DRC8: variants seen among roughly 807,000 people sequenced by gnomAD.
DRC8 encodes dynein regulatory complex protein 8.
chr1:245,056,935 CAAA>C, the DRC8 span, among the ~76,000 whole-genome samples: 1 of 111,438 alleles, frequency 9.0e-6, no homozygotes, highest in African/African-American at 3.3e-5. Context: ...GACTCCATCT[CAAA>C]AAAAAAAAGA....
the DRC8 span, among the ~76,000 whole-genome samples, chr1:244,995,694 C>T: frequency 6.6e-6 from 1 of 152,138 alleles, no homozygotes; most frequent in Non-Finnish European, 1.5e-5. Flanking sequence ...CCAGGAAGCA[C>T]CTTCAGTGCT....
chr1:245,030,520 TA>T, the DRC8 span: 1 of 152,258 alleles, frequency 6.6e-6, no homozygotes, highest in Non-Finnish European at 1.5e-5. Context: ...CCTCTCAGTG[TA>T]CTGGAAGGAC....
chr1:245,087,646 C>A, the DRC8 span: 9 of 1,042,050 alleles, frequency 8.6e-6, no homozygotes, highest in South Asian at 1.5e-4. Flanking sequence ...AGGTCACCTT[C>A]GAATTAATTA....
At chr1:244,977,312 T>C in the DRC8 span, among the ~76,000 whole-genome samples, 5 of 152,334 alleles carry the variant, frequency 3.3e-5, no homozygotes, top group East Asian at 9.6e-4. Context: ...TTTTAGTAAA[T>C]AGAAAATGTT....
chr1:245,100,282 T>G, the DRC8 span, among the ~76,000 whole-genome samples: 1 of 151,730 alleles, frequency 6.6e-6, no homozygotes, highest in African/African-American at 2.4e-5. Context: ...CTACTCGGGA[T>G]GCTGAGACAG....
At chr1:245,004,203 T>C in the DRC8 span, among the ~76,000 whole-genome samples, 1 of 151,736 alleles carries the variant, frequency 6.6e-6, no homozygotes, top group African/African-American at 2.4e-5. Flanking sequence ...GTGTGAGCCA[T>C]GGTACCCAGC....
chr1:245,045,497 G>A, the DRC8 span, among the ~76,000 whole-genome samples: 7 of 152,332 alleles, frequency 4.6e-5, no homozygotes, highest in African/African-American at 1.7e-4. Flanking sequence ...GGGTCCAGAT[G>A]CAGAATCTTC....
the DRC8 span, among the ~76,000 whole-genome samples, chr1:245,021,828 A>T: frequency 2.6e-5 from 4 of 152,106 alleles, no homozygotes; most frequent in Non-Finnish European, 5.9e-5. Context: ...CAAAACTCTC[A>T]TAAGAACTTT....
At chr1:244,972,257 A>G in the DRC8 span, among the ~76,000 whole-genome samples, 1 of 152,248 alleles carries the variant, frequency 6.6e-6, no homozygotes, top group Non-Finnish European at 1.5e-5. Flanking sequence ...GCCATTATGT[A>G]GATAAGGCAT....
chr1:245,039,294 T>C, the DRC8 span, among the ~76,000 whole-genome samples: 2 of 97,946 alleles, frequency 2.0e-5, no homozygotes, highest in Non-Finnish European at 3.8e-5. Context: ...TGAAACCTTG[T>C]CTCTACAAAA....
At chr1:245,002,283 T>C in the DRC8 span, 2 of 1,447,804 alleles carry the variant, frequency 1.4e-6, no homozygotes, top group Admixed American at 3.9e-5. Flanking sequence ...CGCTTAACCA[T>C]CTCTCTGCCT....
chr1:244,980,507 C>T, the DRC8 span, among the ~76,000 whole-genome samples: 1 of 151,986 alleles, frequency 6.6e-6, no homozygotes, highest in Admixed American at 6.6e-5. Context: ...TATAGTAGTC[C>T]AGAAAGATAA....
At chr1:245,042,669 A>C in the DRC8 span, among the ~76,000 whole-genome samples, 1 of 152,260 alleles carries the variant, frequency 6.6e-6, no homozygotes, top group African/African-American at 2.4e-5. Flanking sequence ...ATTGCTTTAA[A>C]TGTTCTCTTA....
At chr1:245,001,053 A>G in the DRC8 span, among the ~76,000 whole-genome samples, 2 of 152,128 alleles carry the variant, frequency 1.3e-5, no homozygotes, top group African/African-American at 2.4e-5. Context: ...GGAGGTGGAG[A>G]TGGTTTGAAC....
the DRC8 span, chr1:245,017,375 G>T: frequency 0.018 from 27,267 of 1,530,696 alleles, 304 homozygotes; most frequent in Non-Finnish European, 0.022. Context: ...ACTGATACAA[G>T]TCATAAGATA....
At chr1:245,086,610 G>A in the DRC8 span, 7 of 446,538 alleles carry the variant, frequency 1.6e-5, no homozygotes, top group Admixed American at 4.8e-5. Context: ...TTTAGCAGCC[G>A]GGAAGATCTC....
chr1:245,021,540 A>G, the DRC8 span, among the ~76,000 whole-genome samples: 3 of 152,114 alleles, frequency 2.0e-5, no homozygotes, highest in Admixed American at 2.0e-4. Context: ...AGTTCAAGCA[A>G]TTCTCCTGCA....
the DRC8 span, among the ~76,000 whole-genome samples, chr1:245,079,379 G>C: frequency 6.6e-6 from 1 of 152,128 alleles, no homozygotes; most frequent in Non-Finnish European, 1.5e-5. Context: ...CCCCTCTGCT[G>C]TTCTGACTAG....
chr1:245,046,524 ACCTGGCC>A, the DRC8 span, among the ~76,000 whole-genome samples: 1 of 152,314 alleles, frequency 6.6e-6, no homozygotes, highest in East Asian at 1.9e-4. Context: ...TGCAGGGCTC[ACCTGGCC>A]CCTTCTGCTG....
Sources: gnomAD v4.1 joint callset for allele counts (sites outside exome capture counted in the v4.1 genomes callset) on GRCh38, gnomAD v4.1.1 for gene constraint, MANE v1.5 for transcripts, NCBI Gene and HGNC (gene_info 2026-07-23, HGNC 2026-07-21) for gene names.